Variants in MAPK10 observed in about 807,000 individuals in gnomAD.
MAPK10 encodes mitogen-activated protein kinase 10.
In MAPK10, 25 loss-of-function variants were observed where a neutral mutation model predicts 59.3. The ratio of observed to expected loss-of-function variants is 0.42; its 90% CI spans 0.31 to 0.59. The LOEUF is 0.59. MAPK10 is among the 20% of genes least tolerant of loss of function. The pLI is 0.15. For missense variants in MAPK10, 351 were observed against 568.9 expected (o/e 0.62, Z 3.90); for synonymous variants, 190 against 200.5 (o/e 0.95, Z 0.44).
At chr4:86,115,389 GAA>G (rs1208762792) in intron 4 of MAPK10, among the ~76,000 whole-genome samples, 5 of 152,078 alleles carry the variant, frequency 3.3e-5, no homozygotes, top group Non-Finnish European at 7.3e-5. Context: ...CCCAGTGAGA[GAA>G]CCTGGATACG....
intron 1 of MAPK10, among the ~76,000 whole-genome samples, chr4:86,564,870 TG>T (rs1760944239): frequency 6.6e-6 from 1 of 152,120 alleles, no homozygotes; most frequent in Non-Finnish European, 1.5e-5. Context: ...CTTAGGCTCG[TG>T]GAACAATCTG....
At chr4:86,452,000 G>T (rs1750778390) in intron 1 of MAPK10, among the ~76,000 whole-genome samples, 1 of 152,178 alleles carries the variant, frequency 6.6e-6, no homozygotes, top group Admixed American at 6.5e-5. Context: ...GTAGCTATTT[G>T]TTTTATGTCC....
intron 2 of MAPK10, among the ~76,000 whole-genome samples, chr4:86,216,273 G>GCA (rs1354987223): frequency 7.5e-6 from 1 of 133,198 alleles, no homozygotes; most frequent in African/African-American, 3.2e-5. Context: ...TATATATATA[G>GCA]CACACACACA....
At chr4:86,171,260 C>T (rs973198142) in intron 3 of MAPK10, among the ~76,000 whole-genome samples, 14 of 152,028 alleles carry the variant, frequency 9.2e-5, no homozygotes, top group Admixed American at 9.2e-4. Flanking sequence ...CACAAAAAAC[C>T]CTTCAAAAAA....
intron 1 of MAPK10, among the ~76,000 whole-genome samples, chr4:86,448,417 T>G (rs896289739): frequency 5.3e-5 from 8 of 151,868 alleles, no homozygotes; most frequent in African/African-American, 1.9e-4. Flanking sequence ...TTTTTTATCT[T>G]AAATTTATGG....
Position 86,553,910 on chromosome 4 carries a change from T to A in MAPK10, c.-263+40000A>T, listed in dbSNP as rs1388038986. 2.0e-5 allele frequency among the ~76,000 whole-genome samples: 3 copies of A among 151,468 alleles called. No individual in the cohort carries two copies. In the East Asian group the frequency reaches 5.8e-4, roughly 29 times the overall value. On this transcript the variant is annotated intron_variant, in intron 1 of 4. Coordinates refer to the MAPK10 transcript ENST00000502302. ...TTCTTAATTTTTTTTTTTTTAGAAT[T>A]TTTTTTTATTATTAAGAGACAGAGT...
chr4:86,357,560 A>G (rs2148976621), intron 1 of MAPK10: 1 of 152,314 alleles, frequency 6.6e-6, no homozygotes, highest in South Asian at 2.1e-4. Flanking sequence ...TTGACAATAA[A>G]TTATCAGTTC....
intron 1 of MAPK10, among the ~76,000 whole-genome samples, chr4:86,509,613 C>T (rs1756060917): frequency 6.6e-6 from 1 of 152,094 alleles, no homozygotes; most frequent in Non-Finnish European, 1.5e-5. Flanking sequence ...AGAATTTAGC[C>T]AGTCCCAGCT....
chr4:86,198,289 A>T (rs886897223), intron 2 of MAPK10, among the ~76,000 whole-genome samples: 4 of 151,994 alleles, frequency 2.6e-5, no homozygotes, highest in Admixed American at 2.6e-4. Context: ...GCCCATTACA[A>T]AAGATTTGGG....
At chr4:86,293,483 C>T (rs1241776903) in intron 2 of MAPK10, among the ~76,000 whole-genome samples, 1 of 152,138 alleles carries the variant, frequency 6.6e-6, no homozygotes, top group African/African-American at 2.4e-5. Context: ...CTGCTTATAC[C>T]CCCTTGGCTT....
chr4:86,380,048 CA>C, intron 1 of MAPK10, among the ~76,000 whole-genome samples: 1 of 152,038 alleles, frequency 6.6e-6, no homozygotes, highest in South Asian at 2.1e-4. Flanking sequence ...CCAGCCTGGC[CA>C]AACATGGTGA....
intron 9 of MAPK10, among the ~76,000 whole-genome samples, chr4:86,088,005 T>C (rs2052282021): frequency 6.6e-6 from 1 of 152,166 alleles, no homozygotes; most frequent in South Asian, 2.1e-4. Context: ...ATTTTTGAAG[T>C]GTTTTATTAA....
At chr4:86,457,015 A>G (rs959768300), upstream of MAPK10, among the ~76,000 whole-genome samples, 1 of 152,234 alleles carries the variant, frequency 6.6e-6, no homozygotes, top group Non-Finnish European at 1.5e-5. Context: ...ACATAAGTCA[A>G]TAAATGTGAT....
At chr4:86,512,279 G>T (rs1756335988) in intron 1 of MAPK10, among the ~76,000 whole-genome samples, 1 of 152,176 alleles carries the variant, frequency 6.6e-6, no homozygotes. Flanking sequence ...TGGCTGTATG[G>T]TTATTTGGAT....
At chr4:86,467,622 C>G (rs1450554850) in intron 1 of MAPK10, among the ~76,000 whole-genome samples, 1 of 152,086 alleles carries the variant, frequency 6.6e-6, no homozygotes, top group Non-Finnish European at 1.5e-5. Flanking sequence ...CGGGTTCAAG[C>G]GATTCTCCTG....
In MAPK10 at chr4:86,359,871, A is replaced by G; in HGVS notation, c.-335T>C. 1 of 985,740 alleles carries G rather than the reference A, an allele frequency of 1.0e-6. No individual in the cohort carries two copies. Among genetic ancestry groups the G allele is most frequent in the Non-Finnish European group, 1.2e-6 (1 of 829,902 alleles). The allele number at this position is 985,740 out of a possible 1,614,324, so 61.1% of individuals were successfully genotyped here. ...TAGGAATTGAGGGGTGAGGACAAAA[A>G]AGGAAATTTGTAAAAATGAAAAAAG... On this transcript the variant is annotated 5_prime_UTR_variant, in exon 1 of 14. Coordinates refer to ENST00000641462, the MANE Select transcript of MAPK10 (RefSeq NM_138982.4).
At chr4:86,234,212 G>A (rs894302120) in intron 2 of MAPK10, among the ~76,000 whole-genome samples, 1 of 152,006 alleles carries the variant, frequency 6.6e-6, no homozygotes, top group Non-Finnish European at 1.5e-5. Flanking sequence ...TCCATTTTGA[G>A]GTTGATATAC....
chr4:86,390,105 T>C (rs374349743), intron 1 of MAPK10, among the ~76,000 whole-genome samples: 1 of 152,320 alleles, frequency 6.6e-6, no homozygotes, highest in East Asian at 1.9e-4. Context: ...AGTGGAGCCA[T>C]GCTGAGTATT....
chr4:86,166,378 G>A (rs1039522573), intron 3 of MAPK10, among the ~76,000 whole-genome samples: 1 of 152,046 alleles, frequency 6.6e-6, no homozygotes, highest in Admixed American at 6.5e-5. Context: ...GGTTAAATAA[G>A]ATAATCTATG....
Sources: gnomAD v4.1 joint callset for allele counts (sites outside exome capture counted in the v4.1 genomes callset) on GRCh38, gnomAD v4.1.1 for gene constraint, MANE v1.5 for transcripts, NCBI Gene and HGNC (gene_info 2026-07-23, HGNC 2026-07-21) for gene names.